OTOG: variants seen among roughly 807,000 people sequenced by gnomAD.
OTOG encodes otogelin.
A neutral mutation model predicts 313.8 loss-of-function variants in OTOG; 296 were observed. The ratio of observed to expected loss-of-function variants is 0.94; its 90% CI spans 0.86 to 1.04. The LOEUF (loss-of-function observed/expected upper bound fraction) is 1.04. Among genes scored for constraint, OTOG ranks in the 50% least tolerant of loss-of-function variants. OTOG has a pLI of 0.00. For synonymous variants in OTOG, 1,533 were observed against 1,554.9 expected (o/e 0.99, Z 0.33); for missense variants, 3,948 against 3,840.1 (o/e 1.03, Z -0.74).
chr11:17,605,901 T>C lies in OTOG; in HGVS notation c.3922T>C (p.Phe1308Leu). 6.5e-7 allele frequency: 1 copy of C among 1,550,108 alleles called. No individual in the cohort carries two copies. Among genetic ancestry groups the C allele is most frequent in the Non-Finnish European group, 8.7e-7 (1 of 1,146,652 alleles). ...SLEAADRPNF[F>L]LHVTANGSLE... ...GGAGGCAGCAGACAGACCCAACTTC[T>C]TCCTTCACGTCACAGCCAACGGGTC... The change falls in exon 33 of 56, where the codon TTC becomes CTC. Residue 1308 changes from phenylalanine to leucine, a missense_variant. Phe to Leu is a conservative substitution (Grantham distance 22). Coordinates refer to ENST00000399397, the MANE Select transcript of OTOG (RefSeq NM_001292063.2).
At position 17,551,988 on chromosome 11, in the gene OTOG, T is replaced by C; in HGVS notation, c.217-12T>C. ...AGCCCTCGATGTGTTCTCTTCCTCCTGTCTTCACAAGCAGGCTGAAGCCCC... is the reference window on the plus strand; with the variant it reads ...AGCCCTCGATGTGTTCTCTTCCTCCCGTCTTCACAAGCAGGCTGAAGCCCC... On this transcript the variant is annotated splice_polypyrimidine_tract_variant and intron_variant, in intron 3 of 55. Transcript: ENST00000399397. 6.5e-7 allele frequency: 1 copy of C among 1,550,280 alleles called. No homozygotes were observed. The highest frequency in any genetic ancestry group is 8.7e-7 in the Non-Finnish European group (1 of 1,146,732).
At chr11:17,615,971 T>C (rs1053395830) in intron 39 of OTOG, among the ~76,000 whole-genome samples, 1 of 152,238 alleles carries the variant, frequency 6.6e-6, no homozygotes, top group Non-Finnish European at 1.5e-5. Flanking sequence ...GCTTTTTATT[T>C]TGTCCTATTA....
At chr11:17,564,755 A>G (rs1852263629) in intron 15 of OTOG, among the ~76,000 whole-genome samples, 1 of 152,216 alleles carries the variant, frequency 6.6e-6, no homozygotes, top group Admixed American at 6.5e-5. Flanking sequence ...GTCTTAACAT[A>G]CCCCATGTGG....
At chr11:17,577,121 T>C (rs1352546016) in intron 22 of OTOG, among the ~76,000 whole-genome samples, 2 of 152,238 alleles carry the variant, frequency 1.3e-5, no homozygotes, top group Non-Finnish European at 2.9e-5. Context: ...CTAGTGGCTG[T>C]CTCTGCTGCC....
At chr11:17,562,254 A>G (rs1332569232) in intron 15 of OTOG, among the ~76,000 whole-genome samples, 4 of 149,568 alleles carry the variant, frequency 2.7e-5, no homozygotes, top group South Asian at 2.1e-4. Flanking sequence ...AAAAAAAAAA[A>G]AAAAGAAATG....
Position 17,634,955 on chromosome 11 carries a change from G to A in OTOG, c.7585+7G>A. The A allele has an allele frequency of 6.5e-7, 1 of 1,533,636 alleles. No homozygotes were observed. Among genetic ancestry groups the A allele is most frequent in the South Asian group, 1.2e-5 (1 of 83,552 alleles). ...TGCCCCAGCTACAGCTGTGGTGAGAGGCCCGGGGTGGGGAGGGTGGGGGAC... is the reference window on the plus strand; with the variant it reads ...TGCCCCAGCTACAGCTGTGGTGAGAAGCCCGGGGTGGGGAGGGTGGGGGAC... On this transcript the variant is annotated splice_region_variant and intron_variant, in intron 45 of 55. Transcript: ENST00000399397.
intron 39 of OTOG, among the ~76,000 whole-genome samples, chr11:17,617,071 T>C (rs12361934): frequency 2.0e-5 from 3 of 152,140 alleles, no homozygotes; most frequent in Non-Finnish European, 2.9e-5. Flanking sequence ...GGAGTAGATG[T>C]TGAATTTTGT....
At chr11:17,572,683 C>T (rs1343149062) in intron 18 of OTOG, among the ~76,000 whole-genome samples, 2 of 152,224 alleles carry the variant, frequency 1.3e-5, no homozygotes, top group Non-Finnish European at 2.9e-5. Flanking sequence ...GATTTGTGCT[C>T]AAACCTCATT....
At position 17,631,693 on chromosome 11, in the gene OTOG, C is replaced by G. The variant is rs769465159; in HGVS notation, c.6713-9C>G. ...ATCGTGGCTGTTGGGATTGTTTGGC[C>G]CCTTTCAGGTATCTGTGATGGAGAT... On this transcript the variant is annotated splice_polypyrimidine_tract_variant and intron_variant, in intron 40 of 55. Transcript: ENST00000399397. 6.5e-7 allele frequency: 1 copy of G among 1,547,222 alleles called. No individual in the cohort carries two copies. Among genetic ancestry groups the G allele is most frequent in the Non-Finnish European group, 8.7e-7 (1 of 1,144,256 alleles).
Position 17,641,034 on chromosome 11 carries a change from C to A in OTOG, c.8133C>A (p.Leu2711=). The part of the protein sequence containing the change: ...TSRCTTVLDP[L]TNFYQINTTS... ...GCTGCACCACCGTGCTCGACCCTCTCACCAACTTCTACCAGATCAACACCA... is the reference window on the plus strand; with the variant it reads ...GCTGCACCACCGTGCTCGACCCTCTAACCAACTTCTACCAGATCAACACCA... The change falls in exon 51 of 56, where the codon CTC becomes CTA. Residue 2711 remains leucine, a synonymous_variant. Coordinates refer to ENST00000399397, the MANE Select transcript of OTOG (RefSeq NM_001292063.2). 1.3e-6 allele frequency: 2 copies of A among 1,546,860 alleles called. No individual in the cohort carries two copies. Among genetic ancestry groups the A allele is most frequent in the South Asian group, 2.4e-5 (2 of 84,018 alleles).
chr11:17,578,355 C>T lies in OTOG; in HGVS notation c.2606-18C>T. ...ACTGAGGCCCCAGGGCCTCCGCTCC[C>T]ATCTTCTTCTCTTCCAGCTGCTGCC... On this transcript the variant is annotated intron_variant, in intron 22 of 55. Transcript: ENST00000399397. The T allele has an allele frequency of 6.7e-7, 1 of 1,484,168 alleles. No homozygotes were observed. Among genetic ancestry groups the T allele is most frequent in the Non-Finnish European group, 9.0e-7 (1 of 1,116,786 alleles). 91.9% of individuals were successfully genotyped at this position (1,484,168 alleles called of 1,614,324 possible).
chr11:17,577,271 T>C (rs561497940), intron 22 of OTOG, among the ~76,000 whole-genome samples: 189 of 152,338 alleles, frequency 1.2e-3, no homozygotes, highest in African/African-American at 4.4e-3. Context: ...TGAGGCGGAC[T>C]CTGCCCAGGA....
chr11:17,595,226 A>T (rs1853063612), intron 28 of OTOG, among the ~76,000 whole-genome samples: 1 of 151,690 alleles, frequency 6.6e-6, no homozygotes, highest in Non-Finnish European at 1.5e-5. Context: ...GCCCTAACAC[A>T]CCCCCATTTT....
intron 24 of OTOG, among the ~76,000 whole-genome samples, chr11:17,590,089 T>G (rs1233482339): frequency 6.6e-6 from 1 of 152,144 alleles, no homozygotes; most frequent in Non-Finnish European, 1.5e-5. Flanking sequence ...TGGTGAACTC[T>G]CCCAATCTCA....
chr11:17,552,970 A>G, intron 4 of OTOG, 149 bp from the exon 5 acceptor site: 1 of 713,750 alleles, frequency 1.4e-6, no homozygotes, highest in Non-Finnish European at 2.4e-6. Context: ...CTGTGGTCTG[A>G]GGCACCAGCT....
At chr11:17,562,193 G>A (rs1298987837) in intron 15 of OTOG, among the ~76,000 whole-genome samples, 1 of 143,020 alleles carries the variant, frequency 7.0e-6, no homozygotes, top group Non-Finnish European at 1.5e-5. Flanking sequence ...AGCCGAGATC[G>A]TGCCACTGCA....
intron 25 of OTOG, among the ~76,000 whole-genome samples, chr11:17,592,100 A>C: frequency 6.6e-6 from 1 of 152,118 alleles, no homozygotes; most frequent in East Asian, 1.9e-4. Flanking sequence ...TAAAGGAGTC[A>C]CAGGTTATAA....
At chr11:17,639,182 A>C (rs1047494815) in intron 48 of OTOG, among the ~76,000 whole-genome samples, 33 of 152,176 alleles carry the variant, frequency 2.2e-4, no homozygotes, top group African/African-American at 6.3e-4. Context: ...CCCAGTGGAG[A>C]GCTTGGTGTT....
intron 40 of OTOG, among the ~76,000 whole-genome samples, chr11:17,631,471 C>T (rs990475851): frequency 6.6e-6 from 1 of 151,746 alleles, no homozygotes; most frequent in African/African-American, 2.4e-5. Context: ...AAAATAACTT[C>T]AAGACATTGT....
Sources: gnomAD v4.1 joint callset for allele counts (sites outside exome capture counted in the v4.1 genomes callset) on GRCh38, gnomAD v4.1.1 for gene constraint, MANE v1.5 for transcripts, NCBI Gene and HGNC (gene_info 2026-07-23, HGNC 2026-07-21) for gene names.